The following CFTR variants were observed in gnomAD, a reference collection of about 807,000 sequenced individuals.
CFTR encodes the protein CF transmembrane conductance regulator, also known as cystic fibrosis transmembrane conductance regulator.
Under a neutral mutation model 171.6 loss-of-function variants are expected in CFTR, and 181 were observed. The ratio of observed to expected loss-of-function variants is 1.05; its 90% CI spans 0.93 to 1.19. The LOEUF is 1.19. CFTR is among the 50% of genes most tolerant of loss of function. CFTR has a pLI of 0.00. For missense variants in CFTR, 1,968 were observed against 1,734.7 expected (o/e 1.13, Z -2.39); for synonymous variants, 583 against 608.0 (o/e 0.96, Z 0.60).
At chr7:117,557,630 A>G (rs1026178813) in intron 10 of CFTR, among the ~76,000 whole-genome samples, 7 of 152,088 alleles carry the variant, frequency 4.6e-5, no homozygotes, top group African/African-American at 1.7e-4. Context: ...TTTCTTTTTC[A>G]TTGAATGTAT....
intron 3 of CFTR, among the ~76,000 whole-genome samples, chr7:117,525,330 G>T (rs548285907): frequency 1.3e-5 from 2 of 148,458 alleles, no homozygotes; most frequent in Non-Finnish European, 3.0e-5. Context: ...AATAGGTGTG[G>T]TGTGGTGCTG....
Position 117,548,664 on chromosome 7 carries a change from A to G in CFTR, c.1233A>G (p.Lys411=), listed in dbSNP as rs1430625156. The G allele has an allele frequency of 6.2e-7, 1 of 1,613,234 alleles. No individual in the cohort carries two copies. Among genetic ancestry groups the G allele is most frequent in the East Asian group, 2.2e-5 (1 of 44,842 alleles). ...WEEGFGELFE[K]AKQNNNNRKT... is the part of the protein sequence containing the mutation. ...AGGGATTTGGGGAATTATTTGAGAA[A>G]GCAAAACAAAACAATAACAATAGAA... The change falls in exon 10 of 27, where the codon AAA becomes AAG. Residue 411 remains lysine, a synonymous_variant. Coordinates refer to ENST00000003084, the MANE Select transcript of CFTR (RefSeq NM_000492.4).
At chr7:117,494,398 C>T (rs1486428427) in intron 1 of CFTR, among the ~76,000 whole-genome samples, 6 of 151,306 alleles carry the variant, frequency 4.0e-5, no homozygotes, top group South Asian at 4.2e-4. Flanking sequence ...GTCTAGCATG[C>T]GCTTTGCCTG....
chr7:117,628,642 C>T (rs888828310), intron 22 of CFTR, among the ~76,000 whole-genome samples: 1 of 152,062 alleles, frequency 6.6e-6, no homozygotes. Context: ...CCGTTACTAA[C>T]ACTGACATAG....
intron 22 of CFTR, among the ~76,000 whole-genome samples, chr7:117,631,737 G>A (rs1409333781): frequency 6.6e-6 from 1 of 152,116 alleles, no homozygotes; most frequent in African/African-American, 2.4e-5. Flanking sequence ...AGAGGTATCC[G>A]TTTATAATAA....
chr7:117,518,943 A>G (rs1446144658), intron 3 of CFTR, among the ~76,000 whole-genome samples: 1 of 152,148 alleles, frequency 6.6e-6, no homozygotes, highest in African/African-American at 2.4e-5. Context: ...CACATCTTTC[A>G]TTATTGTGTT....
intron 21 of CFTR, among the ~76,000 whole-genome samples, chr7:117,622,357 T>G (rs769835699): frequency 1.3e-5 from 2 of 152,170 alleles, no homozygotes; most frequent in Non-Finnish European, 2.9e-5. Flanking sequence ...CTAATGGATC[T>G]GCCTTGGTCT....
At chr7:117,519,651 T>C (rs1015228287) in intron 3 of CFTR, among the ~76,000 whole-genome samples, 9 of 152,044 alleles carry the variant, frequency 5.9e-5, no homozygotes, top group African/African-American at 2.2e-4. Flanking sequence ...TGGGAATTTA[T>C]ACTTAATAAA....
intron 22 of CFTR, among the ~76,000 whole-genome samples, chr7:117,630,652 AAT>A (rs2116137151): frequency 6.6e-6 from 1 of 152,274 alleles, no homozygotes; most frequent in South Asian, 2.1e-4. Flanking sequence ...ATAAGGTGCA[AAT>A]TCCCCATGGC....
chr7:117,526,302 C>G (rs1414566023), intron 3 of CFTR, among the ~76,000 whole-genome samples: 1 of 136,768 alleles, frequency 7.3e-6, no homozygotes, highest in Non-Finnish European at 1.5e-5. Context: ...TAAAGATGTT[C>G]TTTGAAACCA....
Position 117,594,940 on chromosome 7 carries a change from T to C in CFTR, c.2501T>C (p.Phe834Ser). ...INEEDLKECF[F>S]DDMESIPAVT... is the part of the protein sequence containing the mutation. The stretch of plus-strand genomic sequence containing the variant: ...AATTCTTTTATTCAGGAGTGCTTTT[T>C]TGATGATATGGAGAGCATACCAGCA... Residue 834 changes from phenylalanine (F) to serine (S), a missense_variant, in exon 15 of 27, where the codon TTT becomes TCT. By Grantham distance (155) the Phe-to-Ser change is radical. Transcript: ENST00000003084. The C allele has an allele frequency of 6.2e-7, 1 of 1,613,122 alleles. No individual in the cohort carries two copies. Among genetic ancestry groups the C allele is most frequent in the Non-Finnish European group, 8.5e-7 (1 of 1,179,386 alleles).
chr7:117,614,857 C>T, intron 21 of CFTR, 144 bp downstream of exon 21: 1 of 668,104 alleles, frequency 1.5e-6, no homozygotes, highest in Non-Finnish European at 2.7e-6. Context: ...CACTGTGTAT[C>T]TGTCATTAAA....
chr7:117,483,683 C>G (rs951378106), intron 1 of CFTR, among the ~76,000 whole-genome samples: 3 of 152,032 alleles, frequency 2.0e-5, no homozygotes, highest in Non-Finnish European at 2.9e-5. Flanking sequence ...TCTTGCCTCA[C>G]GAGTAGCTGG....
At chr7:117,598,454 C>A (rs1792172932) in intron 15 of CFTR, among the ~76,000 whole-genome samples, 3 of 152,176 alleles carry the variant, frequency 2.0e-5, no homozygotes, top group Admixed American at 2.0e-4. Flanking sequence ...CTGTTGCTAA[C>A]CTCAATTAAG....
At chr7:117,619,019 TATTC>T (rs1381377696) in intron 21 of CFTR, among the ~76,000 whole-genome samples, 2 of 152,232 alleles carry the variant, frequency 1.3e-5, no homozygotes, top group African/African-American at 4.8e-5. Context: ...TATCTATCTC[TATTC>T]ATTTCAATTA....
intron 15 of CFTR, among the ~76,000 whole-genome samples, chr7:117,598,436 T>C (rs922074372): frequency 6.6e-6 from 1 of 152,250 alleles, no homozygotes; most frequent in Non-Finnish European, 1.5e-5. Flanking sequence ...ATTTTTCTTA[T>C]TGTTGGGCTG....
At chr7:117,557,992 A>C (rs182688500) in intron 10 of CFTR, among the ~76,000 whole-genome samples, 51 of 152,238 alleles carry the variant, frequency 3.4e-4, no homozygotes, top group Admixed American at 1.2e-3. Context: ...TATCATTTTG[A>C]CCATTTTTAA....
At position 117,509,076 on chromosome 7, in the gene CFTR, C is replaced by T; in HGVS notation, c.207C>T (p.Leu69=). The T allele has an allele frequency of 6.2e-7, 1 of 1,613,196 alleles. No homozygotes were observed. Residue 69 remains leucine, a synonymous_variant, in exon 3 of 27, where the codon CTC becomes CTT. Transcript: ENST00000003084. ...TGGCTTCAAAGAAAAATCCTAAACT[C>T]ATTAATGCCCTTCGGCGATGTTTTT... The part of the protein sequence containing the change: ...RELASKKNPK[L]INALRRCFFW...
intron 3 of CFTR, among the ~76,000 whole-genome samples, chr7:117,516,075 C>T (rs774162544): frequency 1.3e-4 from 20 of 152,274 alleles, no homozygotes; most frequent in South Asian, 8.3e-4. Flanking sequence ...GGATATGAGA[C>T]GATGAGATAT....
Sources: allele counts gnomAD v4.1 joint callset (sites outside exome capture counted in the v4.1 genomes callset), GRCh38; gene constraint gnomAD v4.1.1; transcripts MANE v1.5; gene names NCBI Gene and HGNC (gene_info 2026-07-23, HGNC 2026-07-21).